Variants in FAT3 observed in about 807,000 individuals in gnomAD.
FAT3 encodes the protein protocadherin Fat 3.
In FAT3, 95 loss-of-function variants were observed where a neutral mutation model predicts 310.2. That is an observed-to-expected ratio of 0.31 (90% CI 0.26 to 0.36). FAT3 has a LOEUF of 0.36. Ranked by LOEUF, FAT3 falls within the 10% of genes least tolerant of loss-of-function variation. FAT3 has a pLI of 1.00. For synonymous variants in FAT3, 2,314 were observed against 2,192.9 expected (o/e 1.06, Z -1.54); for missense variants, 5,408 against 5,715.6 (o/e 0.95, Z 1.74).
intron 3 of FAT3, among the ~76,000 whole-genome samples, chr11:92,548,500 C>T (rs528227460): frequency 6.8e-4 from 103 of 152,270 alleles, no homozygotes; most frequent in African/African-American, 2.2e-3. Flanking sequence ...AAAGGAAATT[C>T]GCAAAATGAT....
chr11:92,660,903 T>G (rs956439061), intron 3 of FAT3, among the ~76,000 whole-genome samples: 3 of 152,228 alleles, frequency 2.0e-5, no homozygotes, highest in African/African-American at 7.2e-5. Flanking sequence ...CAGCAACAGC[T>G]GTCTTCAAGG....
intron 4 of FAT3, among the ~76,000 whole-genome samples, chr11:92,753,798 G>GTGTGTGTGTGTGTATATATATATA: frequency 8.4e-6 from 1 of 119,114 alleles, no homozygotes; most frequent in Admixed American, 8.0e-5. Flanking sequence ...GTGTGTGTGT[G>GTGTGTGTGTGTGTATATATATATA]TATATATATA....
chr11:92,459,740 A>G (rs1951588115), intron 2 of FAT3, among the ~76,000 whole-genome samples: 1 of 152,162 alleles, frequency 6.6e-6, no homozygotes, highest in African/African-American at 2.4e-5. Flanking sequence ...AATTGAGGGA[A>G]CAGCCAACTG....
At chr11:92,485,527 A>AG (rs5793602) in intron 2 of FAT3, among the ~76,000 whole-genome samples, 96,414 of 151,974 alleles carry the variant, frequency 0.63, 31,559 homozygotes, top group East Asian at 0.81. Context: ...CATCTTAATG[A>AG]GGTACCAAAT....
intron 2 of FAT3, among the ~76,000 whole-genome samples, chr11:92,447,784 A>G (rs773739254): frequency 6.6e-6 from 1 of 152,124 alleles, no homozygotes; most frequent in Non-Finnish European, 1.5e-5. Flanking sequence ...AACGAGAAGA[A>G]CCAGAATGGC....
intron 3 of FAT3, among the ~76,000 whole-genome samples, chr11:92,539,236 T>C (rs1026576359): frequency 3.9e-5 from 6 of 152,302 alleles, no homozygotes; most frequent in African/African-American, 1.4e-4. Context: ...ATTAGGAAAC[T>C]AGATTTAGAC....
chr11:92,411,746 AT>A (rs1022389936), intron 2 of FAT3, among the ~76,000 whole-genome samples: 2 of 151,342 alleles, frequency 1.3e-5, no homozygotes, highest in Middle Eastern at 3.2e-3. Flanking sequence ...ACAATGAAAG[AT>A]TTATTTTTTC....
At chr11:92,453,093 A>T (rs912756981) in intron 2 of FAT3, among the ~76,000 whole-genome samples, 1 of 152,000 alleles carries the variant, frequency 6.6e-6, no homozygotes, top group African/African-American at 2.4e-5. Flanking sequence ...TGTTTTAATT[A>T]CTGATTTTCA....
At position 92,844,707 on chromosome 11, in the gene FAT3, C is replaced by T. The variant is rs1948644101; in HGVS notation, c.11340C>T (p.Tyr3780=). ...ARISFVCPRF[Y]RNVRCTCNGG... Reference sequence around the variant, plus strand: ...TCAGCTTTGTGTGTCCGCGTTTCTACAGGAACGTGCGTTGCACCTGCAATG... The same window carrying T: ...TCAGCTTTGTGTGTCCGCGTTTCTATAGGAACGTGCGTTGCACCTGCAATG... The change falls in exon 19 of 28, where the codon TAC becomes TAT. Residue 3780 remains tyrosine, a synonymous_variant. Transcript: ENST00000525166. 2 of 1,557,276 alleles carry T rather than the reference C, an allele frequency of 1.3e-6. No individual in the cohort carries two copies. The highest frequency in any genetic ancestry group is 1.2e-5 in the South Asian group (1 of 83,876).
intron 1 of FAT3, among the ~76,000 whole-genome samples, chr11:92,343,450 G>T (rs1417206298): frequency 2.0e-5 from 3 of 152,114 alleles, no homozygotes; most frequent in Non-Finnish European, 4.4e-5. Context: ...TCCACAGAGA[G>T]GTGAAATATG....
At position 92,859,296 on chromosome 11, in the gene FAT3, A is replaced by C. The variant is rs763876531; in HGVS notation, c.11632A>C (p.Arg3878=). ...LQSNGIIMYT[R]ANPCIILKIV... Reference sequence around the variant, plus strand: ...AAGCAATGGGATTATAATGTACACCAGAGCAAATCCCTGCATAATTCTGAA... The same window carrying C: ...AAGCAATGGGATTATAATGTACACCCGAGCAAATCCCTGCATAATTCTGAA... Residue 3878 remains arginine (R), a synonymous_variant, in exon 21 of 28, where the codon AGA becomes CGA. Coordinates refer to ENST00000525166, the MANE Select transcript of FAT3 (RefSeq NM_001367949.2). 14 of 1,609,094 alleles carry C rather than the reference A, an allele frequency of 8.7e-6. No individual in the cohort carries two copies. In the African/African-American group the frequency reaches 1.9e-4, roughly 21 times the overall value.
At chr11:92,268,899 G>A (rs1337434839) in intron 1 of FAT3, among the ~76,000 whole-genome samples, 2 of 151,926 alleles carry the variant, frequency 1.3e-5, no homozygotes, top group African/African-American at 4.8e-5. Flanking sequence ...TTTTGTTGCA[G>A]TAAAGGGAGA....
rs914416679 is a variant in FAT3 at position 92,350,137 on chromosome 11, A to G, written c.-17-1959A>G. ...GTAAAAACTTTTTCCTATTTTAGCC[A>G]GTAAAATTAATCAAGGAGAGGGGAG... On this transcript the variant is annotated intron_variant, in intron 1 of 27. Transcript: ENST00000525166. Among the ~76,000 whole-genome samples, 4 of 152,278 alleles carry G rather than the reference A, an allele frequency of 2.6e-5. No homozygotes were observed. The South Asian group carries it at 8.3e-4, about 32-fold the overall frequency.
chr11:92,663,026 A>G (rs1054006927), intron 3 of FAT3, among the ~76,000 whole-genome samples: 5 of 152,184 alleles, frequency 3.3e-5, no homozygotes, highest in Non-Finnish European at 7.3e-5. Context: ...GTGATGGGGT[A>G]GGCTGGAAGA....
At chr11:92,332,710 A>T (rs1458110417) in intron 1 of FAT3, among the ~76,000 whole-genome samples, 1 of 152,164 alleles carries the variant, frequency 6.6e-6, no homozygotes, top group Non-Finnish European at 1.5e-5. Flanking sequence ...TTATTGTGAG[A>T]ATAAAATAAA....
At chr11:92,630,027 G>A (rs752030912) in intron 3 of FAT3, among the ~76,000 whole-genome samples, 16 of 152,114 alleles carry the variant, frequency 1.1e-4, no homozygotes, top group Non-Finnish European at 2.4e-4. Flanking sequence ...ACAGTAATTG[G>A]TACTCATTTC....
In FAT3 at chr11:92,718,435, G is replaced by C. The variant is rs539893256; in HGVS notation, c.3669+20990G>C. Among the ~76,000 whole-genome samples, 7 of 152,162 alleles carry C rather than the reference G, an allele frequency of 4.6e-5. No individual in the cohort carries two copies. In the South Asian group the frequency reaches 1.5e-3, roughly 32 times the overall value. ...GGGGTCCACGTGGTTTGACCTTCCAGCTAGCACCAAAGGAGGAAGTACCTG... is the reference window on the plus strand; with the variant it reads ...GGGGTCCACGTGGTTTGACCTTCCACCTAGCACCAAAGGAGGAAGTACCTG... On this transcript the variant is annotated intron_variant, in intron 4 of 27. Coordinates refer to ENST00000525166, the MANE Select transcript of FAT3 (RefSeq NM_001367949.2).
intron 3 of FAT3, among the ~76,000 whole-genome samples, chr11:92,600,323 C>T (rs1349627792): frequency 6.6e-6 from 1 of 152,176 alleles, no homozygotes; most frequent in Non-Finnish European, 1.5e-5. Flanking sequence ...CTTCTAATTA[C>T]TCCTGATTTA....
Position 92,409,270 on chromosome 11 carries a change from G to A in FAT3, c.3292+53866G>A, listed in dbSNP as rs537472024. On this transcript the variant is annotated intron_variant, in intron 2 of 27. Transcript: ENST00000525166. ...GTGTGTGTGTGTGTGTCGTGTGTGT[G>A]TGTGTGTATGTGTGTATATAAACAC... Among the ~76,000 whole-genome samples the A allele has an allele frequency of 2.0e-5, 3 of 152,106 alleles. No homozygotes were observed. The East Asian group carries it at 5.8e-4, about 29-fold the overall frequency.
Sources: gnomAD v4.1 joint callset for allele counts (sites outside exome capture counted in the v4.1 genomes callset) on GRCh38, gnomAD v4.1.1 for gene constraint, MANE v1.5 for transcripts, NCBI Gene and HGNC (gene_info 2026-07-23, HGNC 2026-07-21) for gene names.